Variants in LPA observed in about 807,000 individuals in gnomAD.
LPA encodes lipoprotein(a).
A neutral mutation model predicts 197.9 loss-of-function variants in LPA; 199 were observed. The ratio of observed to expected loss-of-function variants is 1.01; its 90% CI spans 0.90 to 1.13. LPA has a LOEUF of 1.13. Ranked by LOEUF, LPA falls within the 50% of genes most tolerant of loss-of-function variation. The pLI, the probability that LPA is intolerant of heterozygous loss-of-function variation, is 0.00. For synonymous variants in LPA, 715 were observed against 639.5 expected (o/e 1.12, Z -1.78); for missense variants, 1,853 against 1,785.8 (o/e 1.04, Z -0.68).
intron 21 of LPA, among the ~76,000 whole-genome samples, chr6:160,594,780 G>C (rs1190788211): frequency 1.3e-5 from 2 of 152,182 alleles, no homozygotes; most frequent in South Asian, 2.1e-4. Context: ...AGAACACTGA[G>C]AGATCCCTCC....
At chr6:160,650,117 G>A (rs925812047) in intron 2 of LPA, among the ~76,000 whole-genome samples, 16 of 152,096 alleles carry the variant, frequency 1.1e-4, no homozygotes, top group African/African-American at 3.6e-4. Context: ...CCTCACCACC[G>A]CCAGATATTC....
chr6:160,604,401 C>T (rs1183581668), intron 18 of LPA, among the ~76,000 whole-genome samples: 5 of 152,152 alleles, frequency 3.3e-5, no homozygotes, highest in African/African-American at 9.7e-5. Flanking sequence ...TTTGGTGTCA[C>T]TTATGGCCTA....
chr6:160,605,010 C>T (rs1254875171), intron 18 of LPA, 36 bp downstream of exon 18: 2 of 1,611,952 alleles, frequency 1.2e-6, no homozygotes, highest in Non-Finnish European at 8.5e-7. Flanking sequence ...TTTCCACTGA[C>T]CCTTCCTTCA....
intron 28 of LPA, among the ~76,000 whole-genome samples, chr6:160,572,691 C>A (rs1023152321): frequency 1.3e-5 from 2 of 152,126 alleles, no homozygotes; most frequent in African/African-American, 4.8e-5. Flanking sequence ...ATACAAAATT[C>A]TTGACTGATA....
intron 1 of LPA, among the ~76,000 whole-genome samples, chr6:160,661,506 A>T (rs1332635669): frequency 2.6e-5 from 4 of 152,178 alleles, no homozygotes; most frequent in African/African-American, 9.7e-5. Flanking sequence ...ACCTCCTGAG[A>T]GTACACAGAC....
chr6:160,599,745 A>T, intron 19 of LPA, 86 bp from the exon 20 acceptor site: 1 of 1,442,368 alleles, frequency 6.9e-7, no homozygotes, highest in South Asian at 1.1e-5. Context: ...ACCAAAAAAG[A>T]GTCACTGAGA....
At chr6:160,591,534 C>T (rs1343850941) in intron 22 of LPA, among the ~76,000 whole-genome samples, 1 of 152,160 alleles carries the variant, frequency 6.6e-6, no homozygotes, top group Non-Finnish European at 1.5e-5. Context: ...ATCTGGTTTG[C>T]TGATTTGTTG....
rs192961443 is a variant in LPA at position 160,566,855 on chromosome 6, T to C, written c.4632-9284A>G. Among the ~76,000 whole-genome samples the C allele has an allele frequency of 4.4e-3, 674 of 152,206 alleles. 9 individuals carry two copies. The highest frequency in any genetic ancestry group is 3.6e-3 in the Non-Finnish European group (245 of 68,010). On this transcript the variant is annotated intron_variant, in intron 28 of 38. Transcript: ENST00000316300. ...CAGGGGTTGCAATCCTAGTCTCTGA[T>C]AAAACAGACTTTAAACTAACAAAGA... is the stretch of plus-strand genomic sequence containing the variant.
chr6:160,532,713 G>A (rs978250865), intron 37 of LPA, 64 bp from the exon 38 acceptor site: 48 of 1,116,830 alleles, frequency 4.3e-5, no homozygotes, highest in Non-Finnish European at 5.8e-5. Context: ...GGAAATTCCA[G>A]AAGAACAGAG....
rs114831934 is a variant in LPA at position 160,585,541 on chromosome 6, C to G, written c.4130-336G>C. 6.8e-3 allele frequency among the ~76,000 whole-genome samples: 1,031 copies of G among 152,090 alleles called. 13 individuals are homozygous for G. Among genetic ancestry groups the G allele is most frequent in the African/African-American group, 0.022 (918 of 41,502 alleles). On this transcript the variant is annotated intron_variant, in intron 25 of 38. Coordinates refer to ENST00000316300, the MANE Select transcript of LPA (RefSeq NM_005577.4). ...TGTTCATGAGAACAAGGCAGGAGAC[C>G]AGGGTGCCATGCATCAAGCTGTTCA...
chr6:160,539,804 C>T (rs889444639), intron 36 of LPA, among the ~76,000 whole-genome samples: 7 of 150,332 alleles, frequency 4.7e-5, no homozygotes, highest in Admixed American at 1.3e-4. Context: ...GTAAGTTTTA[C>T]GGGTAACAGG....
At chr6:160,648,030 G>C (rs1262500766) in intron 2 of LPA, among the ~76,000 whole-genome samples, 1 of 152,060 alleles carries the variant, frequency 6.6e-6, no homozygotes, top group African/African-American at 2.4e-5. Context: ...ACAGTTTCCG[G>C]TTTCTTTGTT....
intron 16 of LPA, among the ~76,000 whole-genome samples, chr6:160,610,670 T>A (rs1441485199): frequency 6.6e-6 from 1 of 152,166 alleles, no homozygotes; most frequent in African/African-American, 2.4e-5. Flanking sequence ...AGTTCTTATT[T>A]GTAGCGGACC....
intron 28 of LPA, among the ~76,000 whole-genome samples, chr6:160,569,652 A>C (rs911893369): frequency 2.0e-5 from 3 of 152,208 alleles, no homozygotes; most frequent in Non-Finnish European, 2.9e-5. Flanking sequence ...TAAACTAAAG[A>C]GCTTCTGCAC....
chr6:160,569,651 G>C (rs1363460009), intron 28 of LPA, among the ~76,000 whole-genome samples: 9 of 152,066 alleles, frequency 5.9e-5, no homozygotes, highest in Non-Finnish European at 7.4e-5. Flanking sequence ...TTAAACTAAA[G>C]AGCTTCTGCA....
rs369590867 is a variant in LPA, at chr6:160,595,532, G to A, written c.3291C>T (p.Gly1097=). 115 of 1,613,926 alleles carry A rather than the reference G, an allele frequency of 7.1e-5. No homozygotes were observed. The African/African-American group carries it at 1.4e-3, about 19-fold the overall frequency. ...GATTCCTGCAGTAGTTCCTGGTCAG[G>A]CCACTGCAAATTTCAAAACAACACA... ...SRTPENYPNA[G]LTRNYCRNPD... Residue 1097 remains glycine (G), a synonymous_variant, in exon 21 of 39, where the codon GGC becomes GGT. Coordinates refer to ENST00000316300, the MANE Select transcript of LPA (RefSeq NM_005577.4).
intron 28 of LPA, 86 bp from the exon 29 acceptor site, chr6:160,557,657 G>C (rs1778288576): frequency 8.5e-7 from 1 of 1,170,864 alleles, no homozygotes; most frequent in Admixed American, 1.8e-5. Flanking sequence ...TTATAACAAA[G>C]TGTTAAAAAG....
chr6:160,601,470 C>T (rs543996826), intron 18 of LPA, among the ~76,000 whole-genome samples: 49 of 152,238 alleles, frequency 3.2e-4, no homozygotes, highest in African/African-American at 9.9e-4. Flanking sequence ...TATGCACATA[C>T]AAAAGTATCT....
chr6:160,654,050 AATATATTATATATATT>A (rs1780077995), intron 1 of LPA, among the ~76,000 whole-genome samples: 1 of 8,352 alleles, frequency 1.2e-4, no homozygotes, highest in Admixed American at 3.1e-3. Context: ...TATAATATAT[AATATATTATATATATT>A]ATATATAATA....
Sources: gnomAD v4.1 joint callset for allele counts (sites outside exome capture counted in the v4.1 genomes callset) on GRCh38, gnomAD v4.1.1 for gene constraint, MANE v1.5 for transcripts, NCBI Gene and HGNC (gene_info 2026-07-23, HGNC 2026-07-21) for gene names.